EPCAM: variants seen among roughly 807,000 people sequenced by gnomAD.
The protein encoded by EPCAM is epithelial cell adhesion molecule.
EPCAM carries 39 observed loss-of-function variants against 40.0 expected under a neutral mutation model. The observed-to-expected ratio is 0.98, with a 90% CI of 0.76 to 1.27. EPCAM has a LOEUF of 1.27. Among genes scored for constraint, EPCAM ranks in the 50% most tolerant of loss-of-function variants. EPCAM has a pLI of 0.00. For missense variants in EPCAM, 503 were observed against 381.2 expected (o/e 1.32, Z -2.66); for synonymous variants, 168 against 132.3 (o/e 1.27, Z -1.85).
At chr2:47,384,591 T>C (rs1212310911) in intron 7 of EPCAM, among the ~76,000 whole-genome samples, 1 of 151,812 alleles carries the variant, frequency 6.6e-6, no homozygotes, top group Admixed American at 6.6e-5. Flanking sequence ...TTTTTTTGTT[T>C]TTTTAGTAGA....
At chr2:47,378,236 A>G (rs1184656987) in intron 5 of EPCAM, among the ~76,000 whole-genome samples, 2 of 152,020 alleles carry the variant, frequency 1.3e-5, no homozygotes, top group East Asian at 3.9e-4. Flanking sequence ...CGTCTCAAAA[A>G]CAAAACAAAA....
intron 1 of EPCAM, 37 bp from the exon 2 acceptor site, chr2:47,373,426 C>A: frequency 7.6e-7 from 1 of 1,310,400 alleles, no homozygotes; most frequent in Non-Finnish European, 1.1e-6. Flanking sequence ...GTTAATAGAT[C>A]CACATTTTAA....
chr2:47,383,998 CTGT>C (rs1671669209), intron 7 of EPCAM, among the ~76,000 whole-genome samples: 1 of 151,808 alleles, frequency 6.6e-6, no homozygotes, highest in Non-Finnish European at 1.5e-5. Context: ...TCTTTCTTTT[CTGT>C]TGTCCCATTG....
In EPCAM at chr2:47,378,304, T is replaced by C. The variant is rs544910578; in HGVS notation, c.556-649T>C. 2.1e-4 allele frequency among the ~76,000 whole-genome samples: 32 copies of C among 149,020 alleles called. No individual in the cohort carries two copies. The East Asian group carries it at 2.5e-3, about 12-fold the overall frequency. On this transcript the variant is annotated intron_variant, in intron 5 of 8. Transcript: ENST00000263735. The stretch of plus-strand genomic sequence containing the variant: ...CTTGCATTTCTTTTTCTTTTCTTTT[T>C]TTTTTTTTTTTTTTGAGACGGAGTT...
At chr2:47,374,105 A>G (rs772006829) in intron 3 of EPCAM, 57 bp downstream of exon 3, 39 of 1,590,020 alleles carry the variant, frequency 2.5e-5, no homozygotes, top group Non-Finnish European at 3.4e-5. Flanking sequence ...ATTTAATTAA[A>G]TTTATTTTTG....
chr2:47,385,957 G>A (rs1347023203), intron 8 of EPCAM, among the ~76,000 whole-genome samples: 1 of 152,178 alleles, frequency 6.6e-6, no homozygotes, highest in Non-Finnish European at 1.5e-5. Flanking sequence ...ACAATGTAGT[G>A]TTGCAGTGCA....
intron 7 of EPCAM, among the ~76,000 whole-genome samples, chr2:47,380,805 C>G (rs963085388): frequency 1.3e-5 from 2 of 152,078 alleles, no homozygotes; most frequent in Admixed American, 1.3e-4. Context: ...CTTACTAACA[C>G]TGGCCAGGTG....
intron 4 of EPCAM, among the ~76,000 whole-genome samples, chr2:47,376,235 A>G (rs1017133194): frequency 2.3e-4 from 31 of 135,908 alleles, no homozygotes; most frequent in Non-Finnish European, 4.3e-4. Flanking sequence ...TCAAATTTTG[A>G]TTTGTCTGAT....
intron 1 of EPCAM, among the ~76,000 whole-genome samples, chr2:47,370,985 T>G (rs1671246689): frequency 6.6e-6 from 1 of 152,050 alleles, no homozygotes; most frequent in Non-Finnish European, 1.5e-5. Context: ...AGTGCTGGGA[T>G]TACAGACGTC....
Position 47,378,225 on chromosome 2 carries a change from C to G in EPCAM, c.556-728C>G, listed in dbSNP as rs146977909. 1.6e-4 allele frequency among the ~76,000 whole-genome samples: 25 copies of G among 152,122 alleles called. 1 individual carries two copies. The East Asian group carries it at 4.8e-3, about 29-fold the overall frequency. On this transcript the variant is annotated intron_variant, in intron 5 of 8. Transcript: ENST00000263735. ...CCAGCCTGGGCGACACAGCAAGACT[C>G]CGTCTCAAAAACAAAACAAAAAAAC...
chr2:47,370,178 G>A (rs1291481775), intron 1 of EPCAM, among the ~76,000 whole-genome samples: 1 of 152,250 alleles, frequency 6.6e-6, no homozygotes, highest in Non-Finnish European at 1.5e-5. Context: ...TGTAGGGAAC[G>A]CAGAAATAAT....
Position 47,374,062 on chromosome 2 carries a change from C to T in EPCAM, c.425+14C>T, listed in dbSNP as rs1454557799. The T allele has an allele frequency of 6.2e-7, 1 of 1,613,820 alleles. No individual in the cohort carries two copies. The highest frequency in any genetic ancestry group is 1.1e-5 in the South Asian group (1 of 91,056). The stretch of plus-strand genomic sequence containing the variant: ...AGTGAGAACCTAGTGAGTGGGGCTG[C>T]CTATACTACTTGTTTTCATGCTGTT... On this transcript the variant is annotated intron_variant, in intron 3 of 8. Coordinates refer to ENST00000263735, the MANE Select transcript of EPCAM (RefSeq NM_002354.3).
At chr2:47,369,619 T>C in intron 1 of EPCAM, 38 bp downstream of exon 1, 2 of 1,557,408 alleles carry the variant, frequency 1.3e-6, no homozygotes, top group Non-Finnish European at 1.7e-6. Context: ...GGAGCTGGGC[T>C]GGGCTGGGGG....
chr2:47,371,492 C>G (rs1388412903), intron 1 of EPCAM, among the ~76,000 whole-genome samples: 2 of 152,172 alleles, frequency 1.3e-5, no homozygotes, highest in Non-Finnish European at 2.9e-5. Context: ...TCTGGAAGGG[C>G]TTTTACACTT....
At chr2:47,371,415 C>T (rs1265572972) in intron 1 of EPCAM, among the ~76,000 whole-genome samples, 4 of 152,184 alleles carry the variant, frequency 2.6e-5, no homozygotes, top group Admixed American at 6.5e-5. Context: ...CATGAGCCAC[C>T]GGTCCGGCAT....
chr2:47,372,304 A>G (rs1671290992), intron 1 of EPCAM, among the ~76,000 whole-genome samples: 1 of 152,130 alleles, frequency 6.6e-6, no homozygotes, highest in African/African-American at 2.4e-5. Flanking sequence ...GTGAGGATTC[A>G]CAGATCCTAG....
Position 47,379,877 on chromosome 2 carries a change from G to C in EPCAM, c.766G>C (p.Ala256Pro). Residue 256 changes from alanine to proline, a missense_variant, in exon 7 of 9, where the codon GCA becomes CCA. Physicochemically the swap from Ala to Pro is conservative, Grantham distance 27. Coordinates refer to ENST00000263735, the MANE Select transcript of EPCAM (RefSeq NM_002354.3). ...TTTAATTTATTATGTTGATGAAAAA[G>C]CACCTGAATTCTCAATGCAGGGTCT... The part of the protein sequence containing the change: ...QTLIYYVDEK[A>P]PEFSMQGLKA... 9 of 1,614,178 alleles carry C rather than the reference G, an allele frequency of 5.6e-6. No individual in the cohort carries two copies. The highest frequency in any genetic ancestry group is 7.6e-6 in the Non-Finnish European group (9 of 1,180,042).
rs1356287897 is a variant in EPCAM at position 47,378,736 on chromosome 2, G to T, written c.556-217G>T. ...AAATTGTACATTGTAATTATGTTTG[G>T]TTGCATGGCTGTCTTATTTCCCTTT... On this transcript the variant is annotated intron_variant, in intron 5 of 8. Coordinates refer to ENST00000263735, the MANE Select transcript of EPCAM (RefSeq NM_002354.3). Among the ~76,000 whole-genome samples the T allele has an allele frequency of 2.0e-5, 3 of 151,996 alleles. No homozygotes were observed. The East Asian group carries it at 5.8e-4, about 29-fold the overall frequency.
chr2:47,380,540 G>A (rs1423286827), intron 7 of EPCAM, among the ~76,000 whole-genome samples: 4 of 152,122 alleles, frequency 2.6e-5, no homozygotes, highest in South Asian at 2.1e-4. Flanking sequence ...AGCAGCAAGC[G>A]TCTTTCAGTT....
Sources: gnomAD v4.1 joint callset for allele counts (sites outside exome capture counted in the v4.1 genomes callset) on GRCh38, gnomAD v4.1.1 for gene constraint, MANE v1.5 for transcripts, NCBI Gene and HGNC (gene_info 2026-07-23, HGNC 2026-07-21) for gene names.